ST8SIA6: variants seen among roughly 807,000 people sequenced by gnomAD.
The protein encoded by ST8SIA6 is alpha-2,8-sialyltransferase 8F.
ST8SIA6 carries 39 observed loss-of-function variants against 33.6 expected under a neutral mutation model. The ratio of observed to expected loss-of-function variants is 1.16; its 90% CI spans 0.90 to 1.52. ST8SIA6 has a LOEUF of 1.52. Ranked by LOEUF, ST8SIA6 falls within the 40% of genes most tolerant of loss-of-function variation. The pLI, the probability that ST8SIA6 is intolerant of heterozygous loss-of-function variation, is 0.00. For synonymous variants in ST8SIA6, 172 were observed against 167.2 expected (o/e 1.03, Z -0.22); for missense variants, 441 against 443.8 (o/e 0.99, Z 0.06).
At chr10:17,429,506 C>T (rs1304013394) in intron 2 of ST8SIA6, among the ~76,000 whole-genome samples, 1 of 152,010 alleles carries the variant, frequency 6.6e-6, no homozygotes, top group Non-Finnish European at 1.5e-5. Flanking sequence ...CCAACTGCCT[C>T]TCCTCCCTTT....
At chr10:17,391,145 A>ACCACTCCCAGTCGCGTTTATTT in intron 2 of ST8SIA6, among the ~76,000 whole-genome samples, 1 of 152,220 alleles carries the variant, frequency 6.6e-6, no homozygotes, top group East Asian at 1.9e-4. Context: ...GGCGTGAGCC[A>ACCACTCCCAGTCGCGTTTATTT]TCGTGCCTGG....
intron 3 of ST8SIA6, among the ~76,000 whole-genome samples, chr10:17,389,235 A>G (rs1027813369): frequency 2.6e-5 from 4 of 152,312 alleles, no homozygotes; most frequent in African/African-American, 9.6e-5. Context: ...TTTGAGTAAT[A>G]AAACTCCGGT....
intron 2 of ST8SIA6, among the ~76,000 whole-genome samples, chr10:17,397,169 T>G (rs1325387935): frequency 6.6e-6 from 1 of 152,124 alleles, no homozygotes; most frequent in African/African-American, 2.4e-5. Context: ...TGCCAACCTT[T>G]TTCTCCTTCA....
intron 3 of ST8SIA6, among the ~76,000 whole-genome samples, chr10:17,382,129 C>G (rs413908): frequency 0.32 from 48,445 of 151,770 alleles, 8,380 homozygotes; most frequent in East Asian, 0.64. Context: ...TAAATAATTA[C>G]GTAAATGTAA....
At chr10:17,416,052 C>A (rs1019396906) in intron 2 of ST8SIA6, among the ~76,000 whole-genome samples, 11 of 152,046 alleles carry the variant, frequency 7.2e-5, no homozygotes, top group African/African-American at 2.7e-4. Context: ...AAGTGATCCA[C>A]CGGCCTCAGC....
rs567197270 is a variant in ST8SIA6, at chr10:17,365,606, G to T, written c.291-6006C>A. Among the ~76,000 whole-genome samples, 5 of 152,294 alleles carry T rather than the reference G, an allele frequency of 3.3e-5. No homozygotes were observed. In the South Asian group the frequency reaches 1.0e-3, roughly 32 times the overall value. On this transcript the variant is annotated intron_variant, in intron 3 of 7. Transcript: ENST00000377602. ...ACCCTGTCTGTGCCACCTGCCTGCTGACTTAGTTACTTAGTAGCCATCTCA... is the reference window on the plus strand; with the variant it reads ...ACCCTGTCTGTGCCACCTGCCTGCTTACTTAGTTACTTAGTAGCCATCTCA...
intron 3 of ST8SIA6, among the ~76,000 whole-genome samples, chr10:17,364,251 CT>C (rs375661038): frequency 2.5e-4 from 38 of 152,288 alleles, no homozygotes; most frequent in African/African-American, 8.7e-4. Flanking sequence ...ATCACTCCCC[CT>C]ATATGTTGTA....
At chr10:17,375,619 A>G (rs1183999902) in intron 3 of ST8SIA6, among the ~76,000 whole-genome samples, 1 of 152,246 alleles carries the variant, frequency 6.6e-6, no homozygotes, top group Non-Finnish European at 1.5e-5. Context: ...ACACTCACCT[A>G]TGGCGTAAGC....
intron 5 of ST8SIA6, 66 bp from the exon 6 acceptor site, chr10:17,327,192 A>G: frequency 8.2e-7 from 1 of 1,213,776 alleles, no homozygotes; most frequent in Non-Finnish European, 1.2e-6. Flanking sequence ...ACAACAGCTT[A>G]ATTCTAGTAA....
At chr10:17,355,593 G>A (rs1318764137) in intron 4 of ST8SIA6, among the ~76,000 whole-genome samples, 1 of 152,132 alleles carries the variant, frequency 6.6e-6, no homozygotes, top group Non-Finnish European at 1.5e-5. Context: ...TCTACAACCA[G>A]CCCCTACCTG....
chr10:17,406,323 GACTT>G (rs1851256528), intron 2 of ST8SIA6, among the ~76,000 whole-genome samples: 1 of 152,126 alleles, frequency 6.6e-6, no homozygotes. Context: ...TCTGCCAGTG[GACTT>G]CACTCCCTTC....
intron 2 of ST8SIA6, among the ~76,000 whole-genome samples, chr10:17,443,853 C>A (rs1284698411): frequency 6.6e-6 from 1 of 152,162 alleles, no homozygotes; most frequent in Admixed American, 6.5e-5. Flanking sequence ...CCATCCGTGG[C>A]TTTTTAAAGG....
At chr10:17,391,033 T>G (rs958160585) in intron 2 of ST8SIA6, among the ~76,000 whole-genome samples, 1 of 151,800 alleles carries the variant, frequency 6.6e-6, no homozygotes, top group East Asian at 2.0e-4. Flanking sequence ...TAATTTTGTA[T>G]TTTTAGTAGA....
chr10:17,410,229 C>T (rs1269829745), intron 2 of ST8SIA6: 1 of 152,182 alleles, frequency 6.6e-6, no homozygotes, highest in East Asian at 1.9e-4. Flanking sequence ...CAAACATTTG[C>T]ATGCACCTTA....
intron 4 of ST8SIA6, among the ~76,000 whole-genome samples, chr10:17,342,448 T>C (rs779629947): frequency 2.0e-5 from 3 of 152,174 alleles, no homozygotes; most frequent in Non-Finnish European, 4.4e-5. Flanking sequence ...TATTTCCTCA[T>C]TGAATGAATA....
rs749273965 is a variant in ST8SIA6 at position 17,321,178 on chromosome 10, G to T, written c.897C>A (p.Phe299Leu). Residue 299 changes from phenylalanine to leucine, a missense_variant, in exon 8 of 8, where the codon TTC becomes TTA. Phe to Leu is a conservative substitution (Grantham distance 22, BLOSUM62 0). Coordinates refer to ENST00000377602, the MANE Select transcript of ST8SIA6 (RefSeq NM_001004470.3). ...CCAGATCTTTCAGGTACTTGGGATG[G>T]AAAAATAGAACCTTTTGTCTTGCTT... Reference protein sequence around the residue: ...ESKARQKVLFFHPKYLKDLAL... With the variant: ...ESKARQKVLFLHPKYLKDLAL... 1 of 1,614,042 alleles carries T rather than the reference G, an allele frequency of 6.2e-7. No individual in the cohort carries two copies. Among genetic ancestry groups the T allele is most frequent in the Non-Finnish European group, 8.5e-7 (1 of 1,179,974 alleles).
intron 2 of ST8SIA6, among the ~76,000 whole-genome samples, chr10:17,406,232 C>G (rs566013317): frequency 2.0e-5 from 3 of 152,268 alleles, no homozygotes; most frequent in African/African-American, 4.8e-5. Flanking sequence ...GTCTTCTACC[C>G]TCCCCCTATT....
chr10:17,357,689 C>T (rs889011510), intron 4 of ST8SIA6, among the ~76,000 whole-genome samples: 1 of 152,182 alleles, frequency 6.6e-6, no homozygotes, highest in Non-Finnish European at 1.5e-5. Context: ...CCAGTGTCCT[C>T]ACACAGGTGT....
rs1848778145 is a variant in ST8SIA6 at position 17,344,779 on chromosome 10, C to G, written c.378-13227G>C. On this transcript the variant is annotated intron_variant, in intron 4 of 7. Coordinates refer to ENST00000377602, the MANE Select transcript of ST8SIA6 (RefSeq NM_001004470.3). ...TCCCTCGCAAGGGCCAGGGAAGACC[C>G]AGCCAGATACAGGTTAAGGGGCTGC... Among the ~76,000 whole-genome samples, 3 of 152,156 alleles carry G rather than the reference C, an allele frequency of 2.0e-5. No individual in the cohort carries two copies. In the South Asian group the frequency reaches 6.2e-4, roughly 32 times the overall value.
Sources: gnomAD v4.1 joint callset for allele counts (sites outside exome capture counted in the v4.1 genomes callset) on GRCh38, gnomAD v4.1.1 for gene constraint, MANE v1.5 for transcripts, NCBI Gene and HGNC (gene_info 2026-07-23, HGNC 2026-07-21) for gene names.